The following THBS1 variants were observed in gnomAD, a reference collection of about 807,000 sequenced individuals.
THBS1 encodes the protein thrombospondin 1, also known as thrombospondin-1.
Under a neutral mutation model 126.1 loss-of-function variants are expected in THBS1, and 29 were observed. The observed-to-expected ratio is 0.23, with a 90% CI of 0.17 to 0.31. The LOEUF (loss-of-function observed/expected upper bound fraction) is 0.31, where lower values mean the gene tolerates loss of function less well. THBS1 is among the 10% of genes least tolerant of loss of function. The pLI, the probability that THBS1 is intolerant of heterozygous loss-of-function variation, is 1.00. For synonymous variants in THBS1, 496 were observed against 577.8 expected (o/e 0.86, Z 2.03); for missense variants, 1,198 against 1,545.2 (o/e 0.78, Z 3.77).
At position 39,589,477 on chromosome 15, in the gene THBS1, T is replaced by G; in HGVS notation, c.1926+123T>G. On this transcript the variant is annotated intron_variant, in intron 12 of 21. Coordinates refer to ENST00000260356, the MANE Select transcript of THBS1 (RefSeq NM_003246.4). The surrounding 1 kb of genome is among the most constrained non-coding windows in gnomAD (Gnocchi z 4.7). ...AAAAAAAAGGGCGAGGAGATGAATG[T>G]ACGGTCTAGTTTTAGAAACGTGATT... The G allele has an allele frequency of 3.9e-6, 5 of 1,272,808 alleles. No individual in the cohort carries two copies. In the South Asian group the frequency reaches 7.5e-5, roughly 19 times the overall value. The allele number at this position is 1,272,808 out of a possible 1,614,324, so 78.8% of individuals were successfully genotyped here.
intron 14 of THBS1, chr15:39,590,825 C>A: frequency 1.7e-6 from 1 of 575,654 alleles, no homozygotes. Context: ...TTTTGTTTTT[C>A]ATCAGAACTG....
chr15:39,594,345 C>A lies in THBS1; in HGVS notation c.3410C>A (p.Pro1137His). 1 of 1,614,182 alleles carries A rather than the reference C, an allele frequency of 6.2e-7. No homozygotes were observed. The highest frequency in any genetic ancestry group is 8.5e-7 in the Non-Finnish European group (1 of 1,180,038). ...EGKKIMADSG[P>H]IYDKTYAGGR... The stretch of plus-strand genomic sequence containing the variant: ...AAGAAAATCATGGCTGACTCAGGAC[C>A]CATCTATGATAAAACCTATGCTGGT... Residue 1137 changes from proline (P) to histidine (H), a missense_variant, in exon 21 of 22, where the codon CCC becomes CAC. By Grantham distance (77) the Pro-to-His change is moderately conservative. This residue lies in a region of THBS1 where 255 missense variants were observed against 373.9 expected (regional missense o/e 0.68). Transcript: ENST00000260356. The surrounding 1 kb of genome is among the most constrained non-coding windows in gnomAD (Gnocchi z 4.4).
At position 39,597,275 on chromosome 15, in the gene THBS1, G is replaced by GTTTTTTTTTTT. The variant is rs879801079; in HGVS notation, c.*1910_*1911insTTTTTTTTTTT. The GTTTTTTTTTTT allele has an allele frequency of 1.9e-5, 1 of 52,594 alleles. No individual in the cohort carries two copies. Among genetic ancestry groups the GTTTTTTTTTTT allele is most frequent in the Non-Finnish European group, 4.0e-5 (1 of 24,780 alleles). 3.3% of individuals were successfully genotyped at this position (52,594 alleles called of 1,614,324 possible). ...GAATTGTTGGTTTTTTCTTTTTTTT[G>GTTTTTTTTTTT]TTTTGTTTTTTTTTTTTTTTTTTTT... On this transcript the variant is annotated 3_prime_UTR_variant, in exon 22 of 22. Coordinates refer to ENST00000260356, the MANE Select transcript of THBS1 (RefSeq NM_003246.4).
intron 7 of THBS1, among the ~76,000 whole-genome samples, chr15:39,586,003 G>C (rs1175165994): frequency 6.6e-6 from 1 of 152,192 alleles, no homozygotes; most frequent in South Asian, 2.1e-4. Flanking sequence ...GTAGGGATAA[G>C]AGGGCCTAAG....
chr15:39,581,740 C>T (rs1280764874), intron 1 of THBS1, 89 bp from the exon 2 acceptor site: 30 of 744,676 alleles, frequency 4.0e-5, no homozygotes, highest in Non-Finnish European at 6.5e-5. Flanking sequence ...TGGTCCCGGC[C>T]CTGTCCCCAT....
rs370362436 is a variant in THBS1, at chr15:39,585,453, A to G, written c.1027-17A>G. 499 of 1,612,058 alleles carry G rather than the reference A, an allele frequency of 3.1e-4. 1 individual carries two copies. The highest frequency in any genetic ancestry group is 2.6e-3 in the Middle Eastern group (16 of 6,060). ...ATGCTCAGCAGCCTGTTCCCCTCTC[A>G]CTCTCTTGCCCTGCAGAACTCAGTT... On this transcript the variant is annotated splice_polypyrimidine_tract_variant and intron_variant, in intron 6 of 21. Coordinates refer to ENST00000260356, the MANE Select transcript of THBS1 (RefSeq NM_003246.4).
At chr15:39,584,742 AT>A (rs5812128) in intron 6 of THBS1, among the ~76,000 whole-genome samples, 1,605 of 151,368 alleles carry the variant, frequency 0.011, 14 homozygotes, top group Non-Finnish European at 0.017. Flanking sequence ...TGGAACATTC[AT>A]TTTTTTTTCC....
intron 4 of THBS1, 123 bp downstream of exon 4, chr15:39,583,815 T>C (rs1018008135): frequency 2.1e-5 from 26 of 1,246,382 alleles, no homozygotes; most frequent in Non-Finnish European, 9.1e-6. Context: ...TCAAGAGGCA[T>C]ACAGAAGTGA....
intron 14 of THBS1, 129 bp from the exon 15 acceptor site, chr15:39,591,058 GATCA>G: frequency 1.0e-6 from 1 of 999,010 alleles, no homozygotes; most frequent in Non-Finnish European, 1.5e-6. Context: ...TACACTGAGT[GATCA>G]ATTAGCCTAT....
In THBS1 at chr15:39,584,091, C is replaced by T; in HGVS notation, c.807C>T (p.Ile269=). Residue 269 remains isoleucine (I), a synonymous_variant, in exon 5 of 22, where the codon ATC becomes ATT. Transcript: ENST00000260356. ...IGHKTKDLQA[I]CGISCDELSS... The stretch of plus-strand genomic sequence containing the variant: ...ACAAGACAAAGGACTTGCAAGCCAT[C>T]TGCGGCATCTCCTGTGATGAGCTGT... 1 of 1,614,248 alleles carries T rather than the reference C, an allele frequency of 6.2e-7. No homozygotes were observed. Among genetic ancestry groups the T allele is most frequent in the South Asian group, 1.1e-5 (1 of 91,090 alleles).
At chr15:39,583,841 T>G in intron 4 of THBS1, 147 bp from the exon 5 acceptor site, 1 of 1,186,990 alleles carries the variant, frequency 8.4e-7, no homozygotes, top group South Asian at 1.4e-5. Context: ...AGGGGTATTA[T>G]ACACACACAC....
intron 9 of THBS1, 41 bp downstream of exon 9, chr15:39,588,259 G>A: frequency 6.3e-7 from 1 of 1,589,324 alleles, no homozygotes; most frequent in Non-Finnish European, 8.6e-7. Flanking sequence ...ATGGGCAGCA[G>A]CTCTGCCCAG....
Position 39,598,942 on chromosome 15 carries a change from G to A in THBS1, c.*3573G>A, listed in dbSNP as rs983594053. 2 of 151,530 alleles carry A rather than the reference G, an allele frequency of 1.3e-5. No individual in the cohort carries two copies. Among genetic ancestry groups the A allele is most frequent in the African/African-American group, 4.9e-5 (2 of 41,214 alleles). The allele number at this position is 151,530 out of a possible 1,614,324, so 9.4% of individuals were successfully genotyped here. A position where few individuals can be genotyped will look rare whatever the true frequency, so the allele number is the denominator to read the frequency against. ...AATTTCTTTTTCTTTTTATTTTTGA[G>A]ATGAAGTCTTGCTCTGTCGCCCAGG... is the stretch of plus-strand genomic sequence containing the variant. On this transcript the variant is annotated 3_prime_UTR_variant, in exon 22 of 22. Coordinates refer to ENST00000260356, the MANE Select transcript of THBS1 (RefSeq NM_003246.4).
chr15:39,589,440 A>G lies in THBS1; in HGVS notation c.1926+86A>G. On this transcript the variant is annotated intron_variant, in intron 12 of 21. Transcript: ENST00000260356. The surrounding 1 kb of genome is among the most constrained non-coding windows in gnomAD (Gnocchi z 4.7). ...GGGAGCGGGAGGAATGTAATTTCAT[A>G]CCCTTCACCAAAAAAAAAAGGGCGA... is the stretch of plus-strand genomic sequence containing the variant. The G allele has an allele frequency of 2.0e-6, 3 of 1,493,464 alleles. No homozygotes were observed. The highest frequency in any genetic ancestry group is 2.3e-5 in the East Asian group (1 of 43,052). 92.5% of individuals were successfully genotyped at this position (1,493,464 alleles called of 1,614,324 possible).
chr15:39,591,660 A>G (rs1890330911), intron 16 of THBS1, 37 bp downstream of exon 16: 1 of 1,563,718 alleles, frequency 6.4e-7, no homozygotes, highest in African/African-American at 1.4e-5. Context: ...CTTTCAGTAA[A>G]CTGTTGGAAT....
At chr15:39,591,681 T>C in intron 16 of THBS1, 58 bp downstream of exon 16, 1 of 1,484,668 alleles carries the variant, frequency 6.7e-7, no homozygotes, top group East Asian at 2.3e-5. Context: ...ATCCCTTTCA[T>C]GGCCTTTGAA....
rs1382767201 is a variant in THBS1 at position 39,589,479 on chromosome 15, C to T, written c.1926+125C>T. The T allele has an allele frequency of 4.0e-6, 5 of 1,260,520 alleles. No individual in the cohort carries two copies. The highest frequency in any genetic ancestry group is 1.5e-5 in the African/African-American group (1 of 66,330). The allele number at this position is 1,260,520 out of a possible 1,614,324, so 78.1% of individuals were successfully genotyped here. On this transcript the variant is annotated intron_variant, in intron 12 of 21. Transcript: ENST00000260356. This position sits in a 1 kb window ranked among gnomAD's most constrained non-coding sequence, Gnocchi z 4.7. ...AAAAAAGGGCGAGGAGATGAATGTA[C>T]GGTCTAGTTTTAGAAACGTGATTAG...
chr15:39,582,898 A>C, intron 3 of THBS1, 146 bp downstream of exon 3: 1 of 930,144 alleles, frequency 1.1e-6, no homozygotes, highest in Non-Finnish European at 1.6e-6. Flanking sequence ...AGGGCTTGTG[A>C]AAGCTCACCC....
At chr15:39,590,947 T>G (rs1460970299) in intron 14 of THBS1, 17 of 558,824 alleles carry the variant, frequency 3.0e-5, no homozygotes, top group Non-Finnish European at 3.4e-5. Context: ...GGGCACACTA[T>G]GAACTGAGAT....
Sources: gnomAD v4.1 joint callset for allele counts (sites outside exome capture counted in the v4.1 genomes callset) on GRCh38, gnomAD v4.1.1 for gene constraint, gnomAD v4.1.1 regional missense constraint, Gnocchi (gnomAD v3.1) non-coding constraint, MANE v1.5 for transcripts, NCBI Gene and HGNC (gene_info 2026-07-23, HGNC 2026-07-21) for gene names.